Variants in CADPS2 observed in about 807,000 individuals in gnomAD.
CADPS2 encodes the protein calcium dependent secretion activator 2.
A neutral mutation model predicts 172.5 loss-of-function variants in CADPS2; 93 were observed. That is an observed-to-expected ratio of 0.54 (90% CI 0.46 to 0.64). The LOEUF (loss-of-function observed/expected upper bound fraction) is 0.64. Among genes scored for constraint, CADPS2 ranks in the 30% least tolerant of loss-of-function variants. CADPS2 has a pLI of 0.00. For missense variants in CADPS2, 1,420 were observed against 1,565.9 expected (o/e 0.91, Z 1.57); for synonymous variants, 546 against 555.2 (o/e 0.98, Z 0.23).
chr7:122,668,271 C>G (rs1285340974), intron 2 of CADPS2, among the ~76,000 whole-genome samples: 3 of 151,548 alleles, frequency 2.0e-5, no homozygotes, highest in African/African-American at 7.3e-5. Context: ...TGTCTAGATT[C>G]CACTAACCAA....
intron 4 of CADPS2, among the ~76,000 whole-genome samples, chr7:122,628,902 GGGA>G (rs1208130581): frequency 3.3e-5 from 5 of 151,420 alleles, no homozygotes; most frequent in East Asian, 3.9e-4. Flanking sequence ...TGATTTTGCG[GGGA>G]GGAGTTTTTT....
At chr7:122,771,891 A>G (rs2093715113) in intron 1 of CADPS2, among the ~76,000 whole-genome samples, 2 of 152,222 alleles carry the variant, frequency 1.3e-5, no homozygotes, top group South Asian at 4.1e-4. Context: ...TGACACCATC[A>G]TTTAACTTTA....
intron 1 of CADPS2, among the ~76,000 whole-genome samples, chr7:122,823,383 TTTAA>T (rs1803957549): frequency 6.6e-6 from 1 of 152,182 alleles, no homozygotes; most frequent in African/African-American, 2.4e-5. Flanking sequence ...GTATACAGTG[TTTAA>T]CATAAGTGAA....
chr7:122,796,169 T>C (rs1796330038), intron 1 of CADPS2, among the ~76,000 whole-genome samples: 1 of 152,064 alleles, frequency 6.6e-6, no homozygotes, highest in Non-Finnish European at 1.5e-5. Flanking sequence ...GTGAAATATC[T>C]CCACAAGGAT....
intron 6 of CADPS2, among the ~76,000 whole-genome samples, chr7:122,599,710 A>G (rs1429464025): frequency 6.6e-6 from 1 of 152,034 alleles, no homozygotes; most frequent in Non-Finnish European, 1.5e-5. Context: ...CTTGAAAGCT[A>G]TTTCTTTGTA....
intron 3 of CADPS2, among the ~76,000 whole-genome samples, chr7:122,648,819 C>T (rs2078833556): frequency 6.6e-6 from 1 of 152,124 alleles, no homozygotes; most frequent in Non-Finnish European, 1.5e-5. Flanking sequence ...TGAAGTCCAG[C>T]AGCCTAAGAA....
chr7:122,542,642 T>G (rs1290124383), intron 8 of CADPS2, among the ~76,000 whole-genome samples: 3 of 152,170 alleles, frequency 2.0e-5, no homozygotes, highest in Non-Finnish European at 4.4e-5. Context: ...ATTACTTTCC[T>G]GTTTTATTGT....
chr7:122,838,658 T>C (rs1809358969), intron 1 of CADPS2, among the ~76,000 whole-genome samples: 1 of 152,186 alleles, frequency 6.6e-6, no homozygotes, highest in South Asian at 2.1e-4. Context: ...AGTCAAATCA[T>C]GAGTGAACTC....
intron 6 of CADPS2, among the ~76,000 whole-genome samples, chr7:122,588,617 A>G (rs1246570783): frequency 6.6e-6 from 1 of 151,992 alleles, no homozygotes; most frequent in Non-Finnish European, 1.5e-5. Context: ...AAACTCAAAC[A>G]TTCAGTATTT....
chr7:122,831,213 G>A (rs537718541), intron 1 of CADPS2, among the ~76,000 whole-genome samples: 1 of 152,182 alleles, frequency 6.6e-6, no homozygotes, highest in East Asian at 1.9e-4. Flanking sequence ...TACTGTAAAA[G>A]GGAAACCAAG....
intron 1 of CADPS2, among the ~76,000 whole-genome samples, chr7:122,822,414 C>T (rs79802304): frequency 1.3e-5 from 2 of 151,384 alleles, no homozygotes; most frequent in Non-Finnish European, 1.5e-5. Context: ...GTTCCCACAC[C>T]GCCCCTAATC....
intron 2 of CADPS2, among the ~76,000 whole-genome samples, chr7:122,683,317 C>T (rs1484616809): frequency 6.6e-6 from 1 of 152,116 alleles, no homozygotes; most frequent in Non-Finnish European, 1.5e-5. Flanking sequence ...GCTCTGCCAG[C>T]TGAAGTCTTT....
At chr7:122,418,376 C>T (rs1585828278) in intron 17 of CADPS2, among the ~76,000 whole-genome samples, 1 of 152,168 alleles carries the variant, frequency 6.6e-6, no homozygotes, top group South Asian at 2.1e-4. Flanking sequence ...GGCTCTTGTA[C>T]TTGCCTGGCT....
intron 1 of CADPS2, among the ~76,000 whole-genome samples, chr7:122,759,523 G>A (rs2093301413): frequency 6.6e-6 from 1 of 152,122 alleles, no homozygotes; most frequent in Admixed American, 6.6e-5. Flanking sequence ...ATATGGTAGA[G>A]GTAGTGTTTC....
intron 1 of CADPS2, among the ~76,000 whole-genome samples, chr7:122,820,344 T>A (rs1198869965): frequency 6.6e-6 from 1 of 152,032 alleles, no homozygotes; most frequent in African/African-American, 2.4e-5. Flanking sequence ...CCTCATCTGT[T>A]ACCTATCTTG....
intron 2 of CADPS2, among the ~76,000 whole-genome samples, chr7:122,715,175 T>A (rs1564154519): frequency 6.6e-6 from 1 of 152,198 alleles, no homozygotes; most frequent in African/African-American, 2.4e-5. Flanking sequence ...TTTGACTTGT[T>A]ATTCATATCC....
chr7:122,652,554 G>A (rs755497369), intron 3 of CADPS2, among the ~76,000 whole-genome samples: 2 of 152,016 alleles, frequency 1.3e-5, no homozygotes, highest in Non-Finnish European at 2.9e-5. Flanking sequence ...ACTTTCCACT[G>A]ACAGATTATT....
At chr7:122,536,883 A>T (rs1350189012) in intron 8 of CADPS2, among the ~76,000 whole-genome samples, 1 of 152,072 alleles carries the variant, frequency 6.6e-6, no homozygotes, top group African/African-American at 2.4e-5. Context: ...CATTGATGAT[A>T]GTAATGAAAT....
rs149420856 is a variant in CADPS2 at position 122,405,594 on chromosome 7, C to T, written c.2746+1946G>A. Reference sequence around the variant, plus strand: ...ATGAGAATCGCTTGAACTTCGGAGGCCACTGGAAGTGCCACTGGGAGTGTC... The same window carrying T: ...ATGAGAATCGCTTGAACTTCGGAGGTCACTGGAAGTGCCACTGGGAGTGTC... On this transcript the variant is annotated intron_variant, in intron 20 of 29. Transcript: ENST00000449022. Among the ~76,000 whole-genome samples, 61 of 152,070 alleles carry T rather than the reference C, an allele frequency of 4.0e-4. No homozygotes were observed. In the East Asian group the frequency reaches 0.011, roughly 27 times the overall value.
Sources: allele counts gnomAD v4.1 joint callset (sites outside exome capture counted in the v4.1 genomes callset), GRCh38; gene constraint gnomAD v4.1.1; transcripts MANE v1.5; gene names NCBI Gene and HGNC (gene_info 2026-07-23, HGNC 2026-07-21).